SLC16A7: variants seen among roughly 807,000 people sequenced by gnomAD.
The protein encoded by SLC16A7 is solute carrier family 16 member 7, also known as monocarboxylate transporter 2.
Under a neutral mutation model 34.9 loss-of-function variants are expected in SLC16A7, and 33 were observed. The observed-to-expected ratio is 0.94, with a 90% CI of 0.72 to 1.26. The LOEUF (loss-of-function observed/expected upper bound fraction) is 1.26. Ranked by LOEUF, SLC16A7 falls within the 50% of genes most tolerant of loss-of-function variation. The pLI, the probability that SLC16A7 is intolerant of heterozygous loss-of-function variation, is 0.00. For synonymous variants in SLC16A7, 201 were observed against 206.6 expected (o/e 0.97, Z 0.23); for missense variants, 573 against 578.1 (o/e 0.99, Z 0.09).
chr12:59,672,192 GTATATATACA>G (rs1869908773), intron 2 of SLC16A7, among the ~76,000 whole-genome samples: 1 of 32,428 alleles, frequency 3.1e-5, no homozygotes, highest in Non-Finnish European at 7.1e-5. Context: ...GCATATATAC[GTATATATACA>G]TATATACGTA....
intron 2 of SLC16A7, among the ~76,000 whole-genome samples, chr12:59,667,665 A>T (rs937714727): frequency 6.6e-6 from 1 of 152,104 alleles, no homozygotes; most frequent in Admixed American, 6.5e-5. Flanking sequence ...GAGAAGAAAA[A>T]CCCATTTTCT....
At chr12:59,682,326 A>T (rs1272279635) in intron 2 of SLC16A7, among the ~76,000 whole-genome samples, 1 of 152,216 alleles carries the variant, frequency 6.6e-6, no homozygotes, top group Non-Finnish European at 1.5e-5. Flanking sequence ...TTAACATCTT[A>T]GGGGACAGAA....
At chr12:59,757,708 C>T (rs892745725) in intron 3 of SLC16A7, among the ~76,000 whole-genome samples, 2 of 152,112 alleles carry the variant, frequency 1.3e-5, no homozygotes, top group Non-Finnish European at 2.9e-5. Context: ...ATCTCTGGCA[C>T]CCCTGAGTCA....
intron 3 of SLC16A7, among the ~76,000 whole-genome samples, chr12:59,729,372 C>T (rs759380595): frequency 5.1e-4 from 77 of 152,280 alleles, no homozygotes; most frequent in Admixed American, 2.4e-3. Flanking sequence ...GTAAATCTTC[C>T]GGGACAAAAG....
At chr12:59,722,240 C>CT (rs1297222850) in intron 3 of SLC16A7, among the ~76,000 whole-genome samples, 2 of 151,944 alleles carry the variant, frequency 1.3e-5, no homozygotes, top group East Asian at 3.9e-4. Flanking sequence ...CCTCTCTCTT[C>CT]TTTCAGCTGC....
chr12:59,755,270 GA>G (rs1168667424), intron 3 of SLC16A7, among the ~76,000 whole-genome samples: 1 of 152,170 alleles, frequency 6.6e-6, no homozygotes, highest in Non-Finnish European at 1.5e-5. Flanking sequence ...TTAGGCAGGG[GA>G]AGGAAATAAA....
At chr12:59,651,119 G>A (rs546091928) in intron 1 of SLC16A7, among the ~76,000 whole-genome samples, 1 of 152,044 alleles carries the variant, frequency 6.6e-6, no homozygotes, top group Non-Finnish European at 1.5e-5. Context: ...AGTGTGTCTT[G>A]GCTTTGCTCC....
chr12:59,705,853 T>C (rs1795887), intron 3 of SLC16A7, among the ~76,000 whole-genome samples: 6,594 of 152,160 alleles, frequency 0.043, 456 homozygotes, highest in African/African-American at 0.15. Context: ...TTAAAGAAAT[T>C]ATATCAATTA....
At chr12:59,765,105 T>A (rs1357271515) in intron 3 of SLC16A7, among the ~76,000 whole-genome samples, 2 of 152,256 alleles carry the variant, frequency 1.3e-5, no homozygotes, top group African/African-American at 4.8e-5. Flanking sequence ...TTTTTTCATG[T>A]GTTTTTTGGC....
chr12:59,737,734 C>A (rs1009458176), intron 3 of SLC16A7, among the ~76,000 whole-genome samples: 14 of 152,212 alleles, frequency 9.2e-5, no homozygotes, highest in East Asian at 5.8e-4. Flanking sequence ...CACAATTTTC[C>A]CTAGCTCTGA....
chr12:59,677,743 C>T (rs929843504), intron 2 of SLC16A7, among the ~76,000 whole-genome samples: 1 of 152,198 alleles, frequency 6.6e-6, no homozygotes, highest in African/African-American at 2.4e-5. Flanking sequence ...TTCCCTTACT[C>T]AAAAACCAGT....
At chr12:59,762,797 C>T (rs1565706029) in intron 3 of SLC16A7, among the ~76,000 whole-genome samples, 1 of 147,642 alleles carries the variant, frequency 6.8e-6, no homozygotes, top group Non-Finnish European at 1.5e-5. Flanking sequence ...TGAAGCTGGT[C>T]AGCATAATGA....
rs1883109216 is a variant in SLC16A7, at chr12:59,779,783, G to A, written c.*104G>A. 1.1e-6 allele frequency: 1 copy of A among 897,826 alleles called. No homozygotes were observed. The highest frequency in any genetic ancestry group is 1.7e-5 in the African/African-American group (1 of 58,932). The allele number at this position is 897,826 out of a possible 1,614,324, so 55.6% of individuals were successfully genotyped here. ...GAAAAGGTTTTAGCTGAAATGAGGA[G>A]TCACAATTAAGGATGGAGGTGATAT... On this transcript the variant is annotated 3_prime_UTR_variant, in exon 6 of 6. Coordinates refer to ENST00000547379, the MANE Select transcript of SLC16A7 (RefSeq NM_001270623.2).
rs969653329 is a variant in SLC16A7 at position 59,753,697 on chromosome 12, C to T, written c.218-17522C>T. 1.8e-4 allele frequency among the ~76,000 whole-genome samples: 27 copies of T among 152,108 alleles called. 1 individual carries two copies. Among genetic ancestry groups the T allele is most frequent in the African/African-American group, 4.6e-4 (19 of 41,458 alleles). ...CCACTGTCAACATTAGACAGATCAACGAGACAGAAAGTTAACAAGGATACC... is the reference window on the plus strand; with the variant it reads ...CCACTGTCAACATTAGACAGATCAATGAGACAGAAAGTTAACAAGGATACC... On this transcript the variant is annotated intron_variant, in intron 3 of 5. Coordinates refer to ENST00000547379, the MANE Select transcript of SLC16A7 (RefSeq NM_001270623.2).
At chr12:59,728,823 A>G (rs1160285517) in intron 3 of SLC16A7, among the ~76,000 whole-genome samples, 1 of 152,256 alleles carries the variant, frequency 6.6e-6, no homozygotes, top group African/African-American at 2.4e-5. Context: ...TTTCCCCATG[A>G]AAAGACATAC....
chr12:59,719,137 C>A (rs902506784), intron 3 of SLC16A7, among the ~76,000 whole-genome samples: 1 of 152,084 alleles, frequency 6.6e-6, no homozygotes, highest in South Asian at 2.1e-4. Flanking sequence ...ACAAAATGAG[C>A]ACCATTCTTC....
rs180937461 is a variant in SLC16A7, at chr12:59,699,327, A to G, written c.-30-5445A>G. Among the ~76,000 whole-genome samples, 3 of 151,866 alleles carry G rather than the reference A, an allele frequency of 2.0e-5. No homozygotes were observed. The East Asian group carries it at 5.8e-4, about 29-fold the overall frequency. ...ATAAAAGAACTGATATTTAAAGAAC[A>G]GAATGGCTCTAACTACATGAAAAGA... On this transcript the variant is annotated intron_variant, in intron 2 of 5. Coordinates refer to ENST00000547379, the MANE Select transcript of SLC16A7 (RefSeq NM_001270623.2).
chr12:59,622,308 A>G (rs187965798), intron 1 of SLC16A7, among the ~76,000 whole-genome samples: 1 of 151,976 alleles, frequency 6.6e-6, no homozygotes, highest in East Asian at 1.9e-4. Flanking sequence ...TGGTAATTTA[A>G]AATAGAACAC....
chr12:59,731,443 C>T (rs1876939505), intron 3 of SLC16A7, among the ~76,000 whole-genome samples: 2 of 152,162 alleles, frequency 1.3e-5, no homozygotes, highest in Admixed American at 6.5e-5. Context: ...CCTAGGAAAG[C>T]AAGCCTGGTA....
Sources: allele counts gnomAD v4.1 joint callset (sites outside exome capture counted in the v4.1 genomes callset), GRCh38; gene constraint gnomAD v4.1.1; transcripts MANE v1.5; gene names NCBI Gene and HGNC (gene_info 2026-07-23, HGNC 2026-07-21).